The following CENPT variants were observed in gnomAD, a reference collection of about 807,000 sequenced individuals.
The protein encoded by CENPT is centromere protein T.
Under a neutral mutation model 59.7 loss-of-function variants are expected in CENPT, and 42 were observed. The observed-to-expected ratio is 0.70, with a 90% CI of 0.55 to 0.91. The LOEUF is 0.91. Among genes scored for constraint, CENPT ranks in the 40% least tolerant of loss-of-function variants. The pLI is 0.00. For missense variants in CENPT, 716 were observed against 713.4 expected (o/e 1.00, Z -0.04); for synonymous variants, 295 against 289.6 (o/e 1.02, Z -0.19).
intron 1 of CENPT, among the ~76,000 whole-genome samples, chr16:67,845,858 G>A (rs2057794320): frequency 6.6e-6 from 1 of 152,244 alleles, no homozygotes; most frequent in Non-Finnish European, 1.5e-5. Context: ...AAAAACAGAA[G>A]TGTGGTCCGG....
Position 67,834,022 on chromosome 16 carries a change from C to T in CENPT, c.-163G>A, listed in dbSNP as rs533417145. 5.9e-6 allele frequency: 3 copies of T among 509,164 alleles called. No individual in the cohort carries two copies. Among genetic ancestry groups the T allele is most frequent in the East Asian group, 3.5e-5 (1 of 28,418 alleles). 31.5% of individuals were successfully genotyped at this position (509,164 alleles called of 1,614,324 possible). A position where few individuals can be genotyped will look rare whatever the true frequency, so the allele number is the denominator to read the frequency against. ...GGTGGACAGTGATGGTTGCAAACTC[C>T]GGATGCTTTGGAGGCAGCCTCGCTG... On this transcript the variant is annotated 5_prime_UTR_variant, in exon 4 of 16. Transcript: ENST00000562787.
chr16:67,830,127 A>C, intron 11 of CENPT, 39 bp from the exon 12 acceptor site: 2 of 1,583,484 alleles, frequency 1.3e-6, no homozygotes, highest in Non-Finnish European at 1.7e-6. Flanking sequence ...GAGACGCAGC[A>C]GGCCAAGGCT....
At chr16:67,832,589 G>A in intron 4 of CENPT, 44 bp from the exon 5 acceptor site, 2 of 1,547,998 alleles carry the variant, frequency 1.3e-6, no homozygotes, top group Non-Finnish European at 1.8e-6. Flanking sequence ...CGGTGAGGAG[G>A]GATAGAGAAT....
intron 12 of CENPT, 103 bp from the exon 13 acceptor site, chr16:67,829,619 T>G (rs2057661631): frequency 7.5e-7 from 1 of 1,335,570 alleles, no homozygotes; most frequent in Non-Finnish European, 1.0e-6. Flanking sequence ...GGGCCCCACC[T>G]AGCTCCAGCC....
intron 1 of CENPT, among the ~76,000 whole-genome samples, chr16:67,845,933 G>A (rs2057794938): frequency 6.6e-6 from 1 of 152,224 alleles, no homozygotes; most frequent in African/African-American, 2.4e-5. Context: ...TCTTGTGGAA[G>A]AACAGGAGTA....
At chr16:67,837,135 G>C (rs1444985738) in intron 1 of CENPT, among the ~76,000 whole-genome samples, 1 of 151,722 alleles carries the variant, frequency 6.6e-6, no homozygotes, top group Non-Finnish European at 1.5e-5. Flanking sequence ...CTCCCAAAGT[G>C]CTGGGATTAC....
rs2057779261 is a variant in CENPT at position 67,843,552 on chromosome 16, C to T, written c.-492+3849G>A. The T allele has an allele frequency of 4.5e-6, 7 of 1,555,120 alleles. No homozygotes were observed. The highest frequency in any genetic ancestry group is 3.7e-5 in the South Asian group (3 of 81,394). ...CCCAGACCCCATCCAGCCAGGGGAC[C>T]GCAGGCCATTGTTGAACTCCTCTAT... is the stretch of plus-strand genomic sequence containing the variant. On this transcript the variant is annotated intron_variant, in intron 1 of 15. Transcript: ENST00000562787. This position sits in a 1 kb window ranked among gnomAD's most constrained non-coding sequence, Gnocchi z 5.7.
At chr16:67,829,328 G>T in intron 13 of CENPT, 95 bp downstream of exon 13, 1 of 982,052 alleles carries the variant, frequency 1.0e-6, no homozygotes, top group Non-Finnish European at 1.5e-6. Context: ...GTAATCATCT[G>T]CATACCCGTA....
intron 9 of CENPT, 81 bp from the exon 10 acceptor site, chr16:67,831,439 C>T: frequency 6.4e-7 from 1 of 1,572,312 alleles, no homozygotes; most frequent in Non-Finnish European, 8.7e-7. Flanking sequence ...TGCCCTGGGG[C>T]TCTCATCTCT....
chr16:67,829,088 G>T, intron 13 of CENPT: 1 of 531,672 alleles, frequency 1.9e-6, no homozygotes, highest in Non-Finnish European at 3.3e-6. Context: ...ATCTATATTG[G>T]TACCTGCTTG....
In CENPT at chr16:67,832,221, C is replaced by A; in HGVS notation, c.289+7G>T. On this transcript the variant is annotated splice_region_variant and intron_variant, in intron 6 of 15. Transcript: ENST00000562787. Reference sequence around the variant, plus strand: ...TAACTCTGACCGGCAGGCCAGCGCTCACTTACCAGTTAGTAGGATGTTCTT... The same window carrying A: ...TAACTCTGACCGGCAGGCCAGCGCTAACTTACCAGTTAGTAGGATGTTCTT... The A allele has an allele frequency of 6.2e-7, 1 of 1,613,966 alleles. No individual in the cohort carries two copies. Among genetic ancestry groups the A allele is most frequent in the Non-Finnish European group, 8.5e-7 (1 of 1,179,872 alleles).
In CENPT at chr16:67,830,008, T is replaced by C; in HGVS notation, c.943A>G (p.Ser315Gly). 3 of 1,614,222 alleles carry C rather than the reference T, an allele frequency of 1.9e-6. 1 individual carries two copies. The South Asian group carries it at 3.3e-5, about 18-fold the overall frequency. ...AFALGFLSTSSGVSGEDEVEP... is the reference protein window; with the variant it reads ...AFALGFLSTSGGVSGEDEVEP... ...ACTTCATCTTCTCCAGAGACACCACTGCTGGTGCTCAGGAAGCCCAGAGCA... is the reference window on the plus strand; with the variant it reads ...ACTTCATCTTCTCCAGAGACACCACCGCTGGTGCTCAGGAAGCCCAGAGCA... Residue 315 changes from serine to glycine, a missense_variant, in exon 12 of 16, where the codon AGT (serine) becomes GGT (glycine). Ser to Gly is a moderately conservative substitution (Grantham distance 56, BLOSUM62 0). Coordinates refer to ENST00000562787, the MANE Select transcript of CENPT (RefSeq NM_025082.4).
At chr16:67,832,385 C>T in intron 5 of CENPT, 70 bp from the exon 6 acceptor site, 1 of 1,608,322 alleles carries the variant, frequency 6.2e-7, no homozygotes, top group Non-Finnish European at 8.5e-7. Flanking sequence ...GGCTCCAGAG[C>T]AGAGCTAGAC....
Position 67,831,571 on chromosome 16 carries a change from A to G in CENPT, c.560+5T>C. The G allele has an allele frequency of 1.2e-6, 2 of 1,614,130 alleles. No homozygotes were observed. Among genetic ancestry groups the G allele is most frequent in the Non-Finnish European group, 1.7e-6 (2 of 1,179,978 alleles). On this transcript the variant is annotated splice_donor_5th_base_variant and intron_variant, in intron 9 of 15. Transcript: ENST00000562787. ...TCCCAGAACAGGAAACACCCAGAGC[A>G]GCACCTGGTGAGGGAAGAGGCATCA...
At chr16:67,847,210 C>T (rs1414375683) in intron 1 of CENPT, 191 bp downstream of exon 1, 1 of 152,114 alleles carries the variant, frequency 6.6e-6, no homozygotes, top group Non-Finnish European at 1.5e-5. Flanking sequence ...AGCCGGGCGC[C>T]TATCTGGGCC....
Position 67,831,734 on chromosome 16 carries a change from AGTGGT to A in CENPT, c.523+15_523+19del, listed in dbSNP as rs928278410. On this transcript the variant is annotated intron_variant, in intron 8 of 15. Transcript: ENST00000562787. ...AGGACAGGAGGGAGAGGGTAGCAAA[AGTGGT>A]GTCCAGGGCCTCACCTTGGGAGAGA... 1.3e-5 allele frequency: 20 copies of A among 1,580,834 alleles called. No homozygotes were observed. The highest frequency in any genetic ancestry group is 1.6e-5 in the Non-Finnish European group (19 of 1,164,344).
At position 67,842,406 on chromosome 16, in the gene CENPT, G is replaced by GGCGGACCGGCTGCGCCGA. The variant is rs1555494320; in HGVS notation, c.-492+4994_-492+4995insTCGGCGCAGCCGGTCCGC. ...AGCGTATTCTGGGCACGGGGCGCCG[G>GGCGGACCGGCTGCGCCGA]GCGGGCCGGCTGCGCCGAGCGGCAG... On this transcript the variant is annotated intron_variant, in intron 1 of 15. Transcript: ENST00000562787. This position sits in a 1 kb window ranked among gnomAD's most constrained non-coding sequence, Gnocchi z 4.9. 1.6e-5 allele frequency: 7 copies of GGCGGACCGGCTGCGCCGA among 436,046 alleles called. No homozygotes were observed. Among genetic ancestry groups the GGCGGACCGGCTGCGCCGA allele is most frequent in the African/African-American group, 1.3e-4 (6 of 47,490 alleles). 27.0% of individuals were successfully genotyped at this position (436,046 alleles called of 1,614,324 possible). A position where few individuals can be genotyped will look rare whatever the true frequency, so the allele number is the denominator to read the frequency against.
At chr16:67,837,835 C>T (rs562776636) in intron 1 of CENPT, among the ~76,000 whole-genome samples, 2 of 152,134 alleles carry the variant, frequency 1.3e-5, no homozygotes, top group African/African-American at 2.4e-5. Flanking sequence ...CAGGGAGGAG[C>T]GAAAGAGAAT....
chr16:67,837,819 G>A (rs1025057897), intron 1 of CENPT, among the ~76,000 whole-genome samples: 3 of 152,338 alleles, frequency 2.0e-5, no homozygotes, highest in South Asian at 2.1e-4. Flanking sequence ...CTGGGATGAA[G>A]TGAGGCAGGG....
Sources: allele counts gnomAD v4.1 joint callset (sites outside exome capture counted in the v4.1 genomes callset), GRCh38; gene constraint gnomAD v4.1.1; non-coding constraint Gnocchi (gnomAD v3.1); transcripts MANE v1.5; gene names NCBI Gene and HGNC (gene_info 2026-07-23, HGNC 2026-07-21).